Variants in CDK5RAP2 observed in about 807,000 individuals in gnomAD.
CDK5RAP2 encodes the protein CDK5 regulatory subunit associated protein 2, also known as CDK5 regulatory subunit-associated protein 2.
A neutral mutation model predicts 232.9 loss-of-function variants in CDK5RAP2; 147 were observed. The observed-to-expected ratio is 0.63, with a 90% CI of 0.55 to 0.72. The LOEUF is 0.72. Ranked by LOEUF, CDK5RAP2 falls within the 30% of genes least tolerant of loss-of-function variation. The pLI is 0.00. For synonymous variants in CDK5RAP2, 833 were observed against 833.7 expected (o/e 1.00, Z 0.01); for missense variants, 2,195 against 2,231.5 (o/e 0.98, Z 0.33).
intron 11 of CDK5RAP2, among the ~76,000 whole-genome samples, chr9:120,522,430 A>C (rs891723469): frequency 5.3e-5 from 8 of 152,234 alleles, no homozygotes; most frequent in African/African-American, 1.9e-4. Context: ...CAAAATACAT[A>C]TTATGATCCT....
At chr9:120,473,473 C>A (rs2037833057) in intron 15 of CDK5RAP2, among the ~76,000 whole-genome samples, 1 of 152,236 alleles carries the variant, frequency 6.6e-6, no homozygotes, top group African/African-American at 2.4e-5. Context: ...CTCAAAGAAG[C>A]CCCGCTTCTC....
At chr9:120,574,843 G>C (rs1252205147) in intron 1 of CDK5RAP2, among the ~76,000 whole-genome samples, 1 of 141,390 alleles carries the variant, frequency 7.1e-6, no homozygotes, top group African/African-American at 2.6e-5. Context: ...TTTTTTTAAT[G>C]AGGAAACAAA....
intron 2 of CDK5RAP2, 45 bp from the exon 3 acceptor site, chr9:120,568,433 G>A (rs1347813830): frequency 2.2e-6 from 3 of 1,350,720 alleles, no homozygotes; most frequent in Admixed American, 1.7e-5. Context: ...CATGCAAACT[G>A]CCCAGTGTTC....
intron 7 of CDK5RAP2, among the ~76,000 whole-genome samples, chr9:120,536,027 C>G (rs1309544156): frequency 6.6e-6 from 1 of 152,226 alleles, no homozygotes; most frequent in South Asian, 2.1e-4. Flanking sequence ...CTTGTTTTAC[C>G]TCATTTGCAA....
At chr9:120,540,380 T>C (rs991491024) in intron 5 of CDK5RAP2, among the ~76,000 whole-genome samples, 3 of 152,154 alleles carry the variant, frequency 2.0e-5, no homozygotes, top group Non-Finnish European at 4.4e-5. Context: ...TAAAGATACA[T>C]AAAATTTTTC....
At chr9:120,405,653 G>C (rs1386596672) in intron 32 of CDK5RAP2, among the ~76,000 whole-genome samples, 1 of 152,192 alleles carries the variant, frequency 6.6e-6, no homozygotes, top group East Asian at 1.9e-4. Flanking sequence ...CTATTTAGAA[G>C]GTGGCAATAT....
At chr9:120,410,487 AC>A (rs1395975460) in intron 29 of CDK5RAP2, among the ~76,000 whole-genome samples, 3 of 152,166 alleles carry the variant, frequency 2.0e-5, no homozygotes, top group Non-Finnish European at 4.4e-5. Flanking sequence ...CCAGAGCCTA[AC>A]TTTATCGTGG....
At chr9:120,412,768 A>G (rs999215311) in intron 28 of CDK5RAP2, among the ~76,000 whole-genome samples, 7 of 152,232 alleles carry the variant, frequency 4.6e-5, no homozygotes, top group African/African-American at 1.7e-4. Flanking sequence ...AACTCCTTGT[A>G]GGGAAGGTAC....
At chr9:120,532,242 C>T (rs2041186363) in intron 7 of CDK5RAP2, among the ~76,000 whole-genome samples, 1 of 152,150 alleles carries the variant, frequency 6.6e-6, no homozygotes, top group South Asian at 2.1e-4. Context: ...AACTAATTCA[C>T]ACTTTAAAAA....
At chr9:120,432,671 T>C (rs918500060) in intron 25 of CDK5RAP2, among the ~76,000 whole-genome samples, 3 of 152,322 alleles carry the variant, frequency 2.0e-5, no homozygotes, top group Non-Finnish European at 2.9e-5. Context: ...ATCTGCTAAG[T>C]CTAAAATGCT....
intron 22 of CDK5RAP2, among the ~76,000 whole-genome samples, chr9:120,443,975 G>A (rs943209559): frequency 6.6e-6 from 1 of 152,168 alleles, no homozygotes; most frequent in Non-Finnish European, 1.5e-5. Context: ...AAAAAGCTGA[G>A]TGAGAAAATG....
chr9:120,392,129 G>T (rs2032042287), intron 36 of CDK5RAP2, among the ~76,000 whole-genome samples: 1 of 152,134 alleles, frequency 6.6e-6, no homozygotes, highest in Non-Finnish European at 1.5e-5. Flanking sequence ...AAAGAAAGAG[G>T]AGGGACTGGT....
chr9:120,441,024 G>T (rs938469481), intron 23 of CDK5RAP2, among the ~76,000 whole-genome samples: 2 of 152,210 alleles, frequency 1.3e-5, no homozygotes, highest in Non-Finnish European at 2.9e-5. Flanking sequence ...GAGTAGTACA[G>T]CAGAAAGAAT....
chr9:120,436,958 A>G (rs2035618772), intron 25 of CDK5RAP2, among the ~76,000 whole-genome samples: 1 of 152,214 alleles, frequency 6.6e-6, no homozygotes, highest in Non-Finnish European at 1.5e-5. Flanking sequence ...AAAAAATCCC[A>G]TCTTTTCTGG....
intron 1 of CDK5RAP2, among the ~76,000 whole-genome samples, chr9:120,575,567 A>T (rs1320588653): frequency 2.6e-5 from 4 of 152,190 alleles, no homozygotes; most frequent in Non-Finnish European, 5.9e-5. Context: ...GGATGAGACC[A>T]GATATCACAT....
In CDK5RAP2 at chr9:120,580,025, C is replaced by G. The variant is rs748758792; in HGVS notation, c.-47G>C. 3.8e-6 allele frequency: 5 copies of G among 1,317,698 alleles called. No individual in the cohort carries two copies. The Admixed American group carries it at 7.1e-5, about 19-fold the overall frequency. The allele number at this position is 1,317,698 out of a possible 1,614,324, so 81.6% of individuals were successfully genotyped here. On this transcript the variant is annotated 5_prime_UTR_variant, in exon 1 of 38. Coordinates refer to ENST00000349780, the MANE Select transcript of CDK5RAP2 (RefSeq NM_018249.6). ...GTTGGTGTCTGTGGCGGCGGCGCCA[C>G]TAGTACCCCCCGCGATAGCGACCCG...
At chr9:120,560,863 C>T (rs2042438814) in intron 3 of CDK5RAP2, among the ~76,000 whole-genome samples, 3 of 152,002 alleles carry the variant, frequency 2.0e-5, no homozygotes, top group Non-Finnish European at 4.4e-5. Context: ...GTGATATGCC[C>T]GCCTTGACTT....
At chr9:120,456,926 G>C (rs932992578) in intron 20 of CDK5RAP2, among the ~76,000 whole-genome samples, 3 of 152,216 alleles carry the variant, frequency 2.0e-5, no homozygotes, top group African/African-American at 7.2e-5. Context: ...GATTCATTAA[G>C]CTATCACTAT....
At chr9:120,457,124 G>A (rs2036823783) in intron 20 of CDK5RAP2, among the ~76,000 whole-genome samples, 1 of 152,136 alleles carries the variant, frequency 6.6e-6, no homozygotes, top group South Asian at 2.1e-4. Flanking sequence ...GTGAGAGGGG[G>A]ATTTTTTAAA....
Sources: allele counts gnomAD v4.1 joint callset (sites outside exome capture counted in the v4.1 genomes callset), GRCh38; gene constraint gnomAD v4.1.1; transcripts MANE v1.5; gene names NCBI Gene and HGNC (gene_info 2026-07-23, HGNC 2026-07-21).